ARHGAP33: variants seen among roughly 807,000 people sequenced by gnomAD.
ARHGAP33 encodes the protein Rho GTPase activating protein 33, also known as rho GTPase-activating protein 33.
A neutral mutation model predicts 126.2 loss-of-function variants in ARHGAP33; 57 were observed. The observed-to-expected ratio is 0.45, with a 90% CI of 0.36 to 0.56. ARHGAP33 has a LOEUF of 0.56. Among genes scored for constraint, ARHGAP33 ranks in the 20% least tolerant of loss-of-function variants. The pLI is 0.00. For missense variants in ARHGAP33, 1,500 were observed against 1,748.3 expected (o/e 0.86, Z 2.53); for synonymous variants, 711 against 755.0 (o/e 0.94, Z 0.95).
intron 15 of ARHGAP33, 124 bp from the exon 16 acceptor site, chr19:35,784,048 A>G (rs1358671599): frequency 1.8e-5 from 13 of 735,928 alleles, no homozygotes; most frequent in Non-Finnish European, 2.4e-5. Flanking sequence ...GCGAGGCGTG[A>G]TCAGTTTGAG....
In ARHGAP33 at chr19:35,787,204, T is replaced by C. The variant is rs775855314; in HGVS notation, c.2639T>C (p.Leu880Pro). The change falls in exon 21 of 21, where the codon CTG becomes CCG. Residue 880 changes from leucine to proline, a missense_variant. Physicochemically the swap from Leu to Pro is moderately conservative, Grantham distance 98. Coordinates refer to ENST00000007510, the MANE Select transcript of ARHGAP33 (RefSeq NM_001366178.1). ...DMESPLPPPP[L>P]SLLRPGGAPP... ...GAGTCACCACTGCCACCCCCTCCCC[T>C]GTCTCTCCTGCGCCCTGGGGGTGCC... 17 of 1,609,298 alleles carry C rather than the reference T, an allele frequency of 1.1e-5. No homozygotes were observed. In the East Asian group the frequency reaches 3.4e-4, roughly 32 times the overall value.
At position 35,780,749 on chromosome 19, in the gene ARHGAP33, C is replaced by T; in HGVS notation, c.770-8C>T. The T allele has an allele frequency of 6.2e-7, 1 of 1,613,798 alleles. No homozygotes were observed. The highest frequency in any genetic ancestry group is 1.1e-5 in the South Asian group (1 of 91,088). ...CTCATCCCTTCCACCCCATTTTTCG[C>T]CTAGCAGATGCCGATGGCCCCCCAT... On this transcript the variant is annotated splice_polypyrimidine_tract_variant and splice_region_variant and intron_variant, in intron 9 of 20. Coordinates refer to ENST00000007510, the MANE Select transcript of ARHGAP33 (RefSeq NM_001366178.1).
chr19:35,777,727 G>C lies in ARHGAP33; in HGVS notation c.89G>C (p.Gly30Ala). The change falls in exon 2 of 21, where the codon GGG becomes GCG. Residue 30 changes from glycine to alanine, a missense_variant. By Grantham distance (60) the Gly-to-Ala change is moderately conservative. Around this residue, in one of 6 missense-constraint regions of ARHGAP33, gnomAD observed 129 missense variants for 145.9 expected, o/e 0.88. Coordinates refer to ENST00000007510, the MANE Select transcript of ARHGAP33 (RefSeq NM_001366178.1). Reference protein sequence around the residue: ...LPTAGGPSVKGKPGKRLSAPR... With the variant: ...LPTAGGPSVKAKPGKRLSAPR... Reference sequence around the variant, plus strand: ...ACTGCTGGGGGGCCCAGTGTGAAGGGGAAGCCTGGGAAGAGGTGAGGGTGA... The same window carrying C: ...ACTGCTGGGGGGCCCAGTGTGAAGGCGAAGCCTGGGAAGAGGTGAGGGTGA... 6.2e-7 allele frequency: 1 copy of C among 1,610,744 alleles called. No homozygotes were observed. The highest frequency in any genetic ancestry group is 8.5e-7 in the Non-Finnish European group (1 of 1,178,518).
chr19:35,784,230 G>T lies in ARHGAP33; in HGVS notation c.1480G>T (p.Val494Leu), dbSNP rs1175441290. 3 of 1,612,402 alleles carry T rather than the reference G, an allele frequency of 1.9e-6. No homozygotes were observed. The highest frequency in any genetic ancestry group is 1.1e-5 in the South Asian group (1 of 91,006). Residue 494 changes from valine to leucine, a missense_variant, in exon 16 of 21, where the codon GTG becomes TTG. Coordinates refer to ENST00000007510, the MANE Select transcript of ARHGAP33 (RefSeq NM_001366178.1). ...CGCGGCGGCGTTCCGGGAAGTTCGG[G>T]TGCAGTCGGTGGTGGTGGAGTTTCT... Reference protein sequence around the residue: ...GGAAAFREVRVQSVVVEFLLT... With the variant: ...GGAAAFREVRLQSVVVEFLLT...
chr19:35,783,907 G>A (rs1259991960), intron 15 of ARHGAP33, among the ~76,000 whole-genome samples: 1 of 141,414 alleles, frequency 7.1e-6, no homozygotes, highest in African/African-American at 2.6e-5. Context: ...TGGAGGGGGT[G>A]ACAGATTGAT....
At position 35,777,827 on chromosome 19, in the gene ARHGAP33, C is replaced by G. The variant is rs576988835; in HGVS notation, c.108C>G (p.Leu36=). 6 of 1,614,212 alleles carry G rather than the reference C, an allele frequency of 3.7e-6. No homozygotes were observed. The African/African-American group carries it at 6.7e-5, about 18-fold the overall frequency. ...TGACGCATCCCCTGTCTCCCAGGCT[C>G]TCAGCTCCTCGAGGCCCCTTCCCGC... ...PSVKGKPGKR[L]SAPRGPFPRL... The change falls in exon 3 of 21, where the codon CTC becomes CTG. Residue 36 remains leucine, a synonymous_variant. Coordinates refer to ENST00000007510, the MANE Select transcript of ARHGAP33 (RefSeq NM_001366178.1).
At chr19:35,780,856 C>T (rs1289335935) in intron 10 of ARHGAP33, 40 bp downstream of exon 10, 1 of 1,613,360 alleles carries the variant, frequency 6.2e-7, no homozygotes, top group South Asian at 1.1e-5. Flanking sequence ...CCCTACCCCA[C>T]CAGGCCCCTG....
chr19:35,788,000 TC>T lies in ARHGAP33; in HGVS notation c.3440del (p.Pro1147LeufsTer26). 1 of 1,249,686 alleles carries T rather than the reference TC, an allele frequency of 8.0e-7. No individual in the cohort carries two copies. Among genetic ancestry groups the T allele is most frequent in the African/African-American group, 1.8e-5 (1 of 55,388 alleles). 77.4% of individuals were successfully genotyped at this position (1,249,686 alleles called of 1,614,324 possible). ...GCTACCCGCCAGCCCCCTCCTGCTT[TC>T]CCCCTGACCACCTTGGCTACTCAGC... ...LSYPPAPSCF[P>X]PDHLGYSAPQ... On this transcript the variant is annotated frameshift_variant, in exon 21 of 21. Coordinates refer to ENST00000007510, the MANE Select transcript of ARHGAP33 (RefSeq NM_001366178.1). LOFTEE classifies it high-confidence loss of function.
Position 35,779,051 on chromosome 19 carries a change from T to C in ARHGAP33, c.428T>C (p.Leu143Pro). The C allele has an allele frequency of 6.4e-7, 1 of 1,550,756 alleles. No homozygotes were observed. The highest frequency in any genetic ancestry group is 8.7e-7 in the Non-Finnish European group (1 of 1,147,042). Reference sequence around the variant, plus strand: ...CCCCAGATGCTGGTGCCACTGCTGCTGCAGTACCTGGAGACACTGTCAGGA... The same window carrying C: ...CCCCAGATGCTGGTGCCACTGCTGCCGCAGTACCTGGAGACACTGTCAGGA... ...RAAQMLVPLLLQYLETLSGLV... is the reference protein window; with the variant it reads ...RAAQMLVPLLPQYLETLSGLV... The change falls in exon 6 of 21, where the codon CTG becomes CCG. Residue 143 changes from leucine to proline, a missense_variant. Physicochemically the swap from Leu to Pro is moderately conservative, Grantham distance 98 (BLOSUM62 -3). This residue lies in a region of ARHGAP33 where 75 missense variants were observed against 152.7 expected (regional missense o/e 0.49). Coordinates refer to ENST00000007510, the MANE Select transcript of ARHGAP33 (RefSeq NM_001366178.1).
chr19:35,778,256 C>G, intron 3 of ARHGAP33, 24 bp from the exon 4 acceptor site: 1 of 1,613,722 alleles, frequency 6.2e-7, no homozygotes, highest in Non-Finnish European at 8.5e-7. Flanking sequence ...AAAAGTCCAC[C>G]TGGGCCTTGC....
chr19:35,780,680 GAGGGGTGGGA>G, intron 9 of ARHGAP33, 32 bp downstream of exon 9: 3 of 1,606,014 alleles, frequency 1.9e-6, no homozygotes, highest in South Asian at 1.1e-5. Context: ...GAGGTGTGGG[GAGGGGTGGGA>G]AGGGGTGGGG....
chr19:35,785,417 C>CCCGACA lies in ARHGAP33; in HGVS notation c.1880_1885dup (p.Asp627_Thr628dup). 1 of 1,614,186 alleles carries CCCGACA rather than the reference C, an allele frequency of 6.2e-7. No homozygotes were observed. The highest frequency in any genetic ancestry group is 1.1e-5 in the South Asian group (1 of 91,084). ...CTCTCCCTCTCCTGCAGGCAGCAGA[C>CCCGACA]CCGACACCGTCACACTGAGATCTGC... is the stretch of plus-strand genomic sequence containing the variant. On this transcript the variant is annotated inframe_insertion, in exon 19 of 21. Transcript: ENST00000007510.
chr19:35,782,543 A>AG lies in ARHGAP33; in HGVS notation c.1230+31dup, dbSNP rs775931282. ...GTGAGTAAGGGAGCTGGCGGGACGG[A>AG]GGGGGCCGGGACGCCTCTGGCCCAG... On this transcript the variant is annotated intron_variant, in intron 13 of 20. Coordinates refer to ENST00000007510, the MANE Select transcript of ARHGAP33 (RefSeq NM_001366178.1). The surrounding 1 kb of genome is among the most constrained non-coding windows in gnomAD (Gnocchi z 4.1). 14 of 1,613,358 alleles carry AG rather than the reference A, an allele frequency of 8.7e-6. No homozygotes were observed. Among genetic ancestry groups the AG allele is most frequent in the Non-Finnish European group, 1.2e-5 (14 of 1,179,578 alleles).
rs375544322 is a variant in ARHGAP33 at position 35,784,208 on chromosome 19, G to A, written c.1458G>A (p.Ala486=). 3.5e-5 allele frequency: 56 copies of A among 1,611,694 alleles called. No individual in the cohort carries two copies. Among genetic ancestry groups the A allele is most frequent in the Admixed American group, 3.2e-4 (19 of 59,878 alleles). ...MELESVGMGG[A]AAFREVRVQS... ...TGGAGTCAGTGGGAATGGGTGGCGC[G>A]GCGGCGTTCCGGGAAGTTCGGGTGC... is the stretch of plus-strand genomic sequence containing the variant. Residue 486 remains alanine, a synonymous_variant, in exon 16 of 21, where the codon GCG becomes GCA. Coordinates refer to ENST00000007510, the MANE Select transcript of ARHGAP33 (RefSeq NM_001366178.1).
intron 15 of ARHGAP33, among the ~76,000 whole-genome samples, chr19:35,783,505 C>T (rs1298340322): frequency 6.6e-6 from 1 of 152,066 alleles, no homozygotes; most frequent in Admixed American, 6.6e-5. Context: ...GCCCCAGGTG[C>T]GCACGTGGGG....
chr19:35,779,165 G>T (rs774164094), intron 6 of ARHGAP33, 41 bp downstream of exon 6: 2 of 1,505,220 alleles, frequency 1.3e-6, no homozygotes, highest in Middle Eastern at 1.7e-4. Context: ...GAGTGGGTGA[G>T]GGGGTGTCTG....
chr19:35,780,156 C>A, intron 6 of ARHGAP33, 55 bp from the exon 7 acceptor site: 1 of 1,597,296 alleles, frequency 6.3e-7, no homozygotes, highest in Non-Finnish European at 8.5e-7. Flanking sequence ...GCTTGGTATG[C>A]CTGCACTAAC....
intron 15 of ARHGAP33, among the ~76,000 whole-genome samples, chr19:35,783,597 C>T (rs1299479602): frequency 1.3e-5 from 2 of 151,950 alleles, no homozygotes; most frequent in Admixed American, 6.6e-5. Flanking sequence ...GCAGGGAGGC[C>T]GGTGTGGCTG....
At position 35,775,719 on chromosome 19, in the gene ARHGAP33, C is replaced by A. The variant is rs943730224; in HGVS notation, c.6+55C>A. On this transcript the variant is annotated intron_variant, in intron 1 of 20. Coordinates refer to ENST00000007510, the MANE Select transcript of ARHGAP33 (RefSeq NM_001366178.1). ...CCGTCCGGATGTCAGTCTGTCCGTG[C>A]GCAGCCCCGCCCCGCGCGCCCCGCC... 1.9e-5 allele frequency: 28 copies of A among 1,474,290 alleles called. 1 individual carries two copies. The African/African-American group carries it at 2.8e-4, about 15-fold the overall frequency. 91.3% of individuals were successfully genotyped at this position (1,474,290 alleles called of 1,614,324 possible).
Sources: gnomAD v4.1 joint callset for allele counts (sites outside exome capture counted in the v4.1 genomes callset) on GRCh38, gnomAD v4.1.1 for gene constraint, gnomAD v4.1.1 regional missense constraint, Gnocchi (gnomAD v3.1) non-coding constraint, MANE v1.5 for transcripts, NCBI Gene and HGNC (gene_info 2026-07-23, HGNC 2026-07-21) for gene names.